Variants in FAH observed in about 807,000 individuals in gnomAD.
FAH encodes the protein fumarylacetoacetase.
Under a neutral mutation model 55.8 loss-of-function variants are expected in FAH, and 47 were observed. The observed-to-expected ratio is 0.84, with a 90% CI of 0.67 to 1.07. The LOEUF is 1.07. Ranked by LOEUF, FAH falls within the 50% of genes least tolerant of loss-of-function variation. FAH has a pLI of 0.00. For missense variants in FAH, 495 were observed against 545.9 expected (o/e 0.91, Z 0.93); for synonymous variants, 199 against 207.7 (o/e 0.96, Z 0.36).
chr15:80,162,452 G>T, intron 5 of FAH, 116 bp downstream of exon 5: 2 of 903,154 alleles, frequency 2.2e-6, no homozygotes, highest in Non-Finnish European at 1.8e-6. Context: ...AGGAAAAGCA[G>T]TTATGATGTT....
intron 13 of FAH, among the ~76,000 whole-genome samples, chr15:80,184,356 T>C (rs1290774633): frequency 6.6e-6 from 1 of 152,212 alleles, no homozygotes; most frequent in Non-Finnish European, 1.5e-5. Context: ...CCTGTGTCTC[T>C]GTTTATTCCA....
At chr15:80,165,044 G>T (rs1006626956) in intron 5 of FAH, among the ~76,000 whole-genome samples, 1 of 152,128 alleles carries the variant, frequency 6.6e-6, no homozygotes, top group African/African-American at 2.4e-5. Flanking sequence ...TTTGGGGTAG[G>T]TAATACAAGA....
intron 13 of FAH, among the ~76,000 whole-genome samples, chr15:80,184,398 C>T (rs771470491): frequency 1.3e-5 from 2 of 152,152 alleles, no homozygotes; most frequent in African/African-American, 4.8e-5. Flanking sequence ...GCTTGCCTTG[C>T]CTGGCACAGA....
intron 1 of FAH, 103 bp downstream of exon 1, chr15:80,153,238 T>G: frequency 1.1e-6 from 1 of 897,214 alleles, no homozygotes; most frequent in Non-Finnish European, 1.8e-6. Context: ...AGGGGCGGGA[T>G]GGAGGCTTGT....
At chr15:80,159,731 T>G in intron 2 of FAH, 25 bp from the exon 3 acceptor site, 3 of 1,614,152 alleles carry the variant, frequency 1.9e-6, no homozygotes, top group Non-Finnish European at 2.5e-6. Context: ...GTACGTGATC[T>G]TTTTTCTCCC....
rs776875979 is a variant in FAH, at chr15:80,159,882, G to A, written c.314+5G>A. 6.2e-7 allele frequency: 1 copy of A among 1,614,144 alleles called. No homozygotes were observed. The highest frequency in any genetic ancestry group is 2.2e-5 in the East Asian group (1 of 44,890). ...TGACACCGAACTTCGGAAGTGGTGA[G>A]AAGCACGTGGTCATAGGGGGGATGA... On this transcript the variant is annotated splice_donor_5th_base_variant and intron_variant, in intron 3 of 13. Transcript: ENST00000561421.
chr15:80,186,423 T>C (rs1343302115), downstream of FAH: 1 of 618,188 alleles, frequency 1.6e-6, no homozygotes, highest in Non-Finnish European at 2.9e-6. Context: ...CTGCCAGATA[T>C]TCATTAATAT....
chr15:80,162,091 A>G (rs534944051), intron 4 of FAH, among the ~76,000 whole-genome samples, 155 bp from the exon 5 acceptor site: 1 of 152,336 alleles, frequency 6.6e-6, no homozygotes, highest in South Asian at 2.1e-4. Context: ...AGGATATTTT[A>G]TATTGCATTT....
At chr15:80,159,083 C>T (rs2041124966) in intron 2 of FAH, among the ~76,000 whole-genome samples, 1 of 151,850 alleles carries the variant, frequency 6.6e-6, no homozygotes. Context: ...ACTAAAAATA[C>T]AAAAATTAGC....
intron 5 of FAH, among the ~76,000 whole-genome samples, chr15:80,164,736 T>C (rs562994431): frequency 1.3e-5 from 2 of 152,312 alleles, no homozygotes; most frequent in East Asian, 1.9e-4. Context: ...TGCCATGTAA[T>C]TGCATGCAAT....
intron 10 of FAH, among the ~76,000 whole-genome samples, chr15:80,176,205 G>A (rs1312957455): frequency 2.0e-5 from 3 of 152,086 alleles, no homozygotes; most frequent in Admixed American, 6.5e-5. Flanking sequence ...TAGTAGAGAT[G>A]GGGTTTCTTC....
At chr15:80,169,529 G>T (rs1051686314) in intron 7 of FAH, among the ~76,000 whole-genome samples, 2 of 151,872 alleles carry the variant, frequency 1.3e-5, no homozygotes, top group African/African-American at 4.8e-5. Context: ...TTTTTGTTTT[G>T]TTTTGTTTTG....
chr15:80,170,517 T>G (rs2041231469), intron 7 of FAH, among the ~76,000 whole-genome samples: 1 of 152,224 alleles, frequency 6.6e-6, no homozygotes, highest in African/African-American at 2.4e-5. Context: ...CTGCCAGCCC[T>G]CTGCCTCCTC....
intron 9 of FAH, 113 bp downstream of exon 9, chr15:80,173,257 C>T: frequency 1.4e-6 from 2 of 1,397,526 alleles, no homozygotes; most frequent in Non-Finnish European, 2.0e-6. Context: ...AAGCTCTGTG[C>T]CCACGGCATG....
intron 5 of FAH, among the ~76,000 whole-genome samples, chr15:80,166,675 C>T (rs546245939): frequency 5.0e-4 from 63 of 126,134 alleles, no homozygotes; most frequent in East Asian, 2.2e-3. Flanking sequence ...CTTGCTCTGT[C>T]GCCATGGCTA....
Position 80,160,469 on chromosome 15 carries a change from G to C in FAH, c.364+10G>C. 6.2e-7 allele frequency: 1 copy of C among 1,613,888 alleles called. No individual in the cohort carries two copies. Among genetic ancestry groups the C allele is most frequent in the South Asian group, 1.1e-5 (1 of 91,076 alleles). On this transcript the variant is annotated intron_variant, in intron 4 of 13. Coordinates refer to ENST00000561421, the MANE Select transcript of FAH (RefSeq NM_000137.4). ...CTTCCAGCCACCATAGGTGAGTGCA[G>C]TCTCTTCACCAAGATAAGAACGGAG... is the stretch of plus-strand genomic sequence containing the variant.
chr15:80,176,051 C>G (rs112746275), intron 10 of FAH, among the ~76,000 whole-genome samples: 183 of 151,902 alleles, frequency 1.2e-3, no homozygotes, highest in African/African-American at 3.4e-3. Flanking sequence ...GAGTTTCACT[C>G]TTCTTGCCCA....
At chr15:80,158,389 T>C (rs1320286175) in intron 2 of FAH, among the ~76,000 whole-genome samples, 1 of 152,164 alleles carries the variant, frequency 6.6e-6, no homozygotes, top group Non-Finnish European at 1.5e-5. Context: ...GGCGAGTTCC[T>C]AGGTGAAAAA....
intron 5 of FAH, among the ~76,000 whole-genome samples, chr15:80,166,558 A>G (rs1349900541): frequency 5.3e-5 from 8 of 151,482 alleles, no homozygotes; most frequent in Non-Finnish European, 1.2e-4. Context: ...GTTGCAATGC[A>G]TTGCAAATAT....
Sources: gnomAD v4.1 joint callset for allele counts (sites outside exome capture counted in the v4.1 genomes callset) on GRCh38, gnomAD v4.1.1 for gene constraint, MANE v1.5 for transcripts, NCBI Gene and HGNC (gene_info 2026-07-23, HGNC 2026-07-21) for gene names.